The following SPAG16 variants were observed in gnomAD, a reference collection of about 807,000 sequenced individuals.
SPAG16 encodes sperm associated antigen 16.
SPAG16 carries 86 observed loss-of-function variants against 80.4 expected under a neutral mutation model. That is an observed-to-expected ratio of 1.07 (90% CI 0.90 to 1.28). The LOEUF (loss-of-function observed/expected upper bound fraction) is 1.28. Ranked by LOEUF, SPAG16 falls within the 50% of genes most tolerant of loss-of-function variation. The pLI, the probability that SPAG16 is intolerant of heterozygous loss-of-function variation, is 0.00. For synonymous variants in SPAG16, 294 were observed against 265.9 expected, an observed-to-expected ratio of 1.11 and a Z score of -1.03; for missense variants, 870 against 765.3, an observed-to-expected ratio of 1.14 and a Z score of -1.61.
At chr2:213,959,652 CCTCT>C (rs2044314845) in intron 12 of SPAG16, among the ~76,000 whole-genome samples, 1 of 152,192 alleles carries the variant, frequency 6.6e-6, no homozygotes, top group South Asian at 2.1e-4. Context: ...AGGTACTCTT[CCTCT>C]CTCCTGCTCC....
intron 14 of SPAG16, among the ~76,000 whole-genome samples, chr2:214,147,751 G>T (rs2055734043): frequency 6.6e-6 from 1 of 152,260 alleles, no homozygotes; most frequent in East Asian, 1.9e-4. Flanking sequence ...TCATTTATTA[G>T]ATTGGGGACA....
chr2:214,061,130 C>A (rs992945934), intron 13 of SPAG16, among the ~76,000 whole-genome samples: 11 of 152,164 alleles, frequency 7.2e-5, no homozygotes, highest in Non-Finnish European at 1.6e-4. Flanking sequence ...ACTCGAATAT[C>A]TTCAAACGGA....
intron 13 of SPAG16, among the ~76,000 whole-genome samples, chr2:214,098,054 C>T (rs1314011216): frequency 1.3e-5 from 2 of 152,048 alleles, no homozygotes; most frequent in South Asian, 2.1e-4. Context: ...TTAATCATTA[C>T]ATTATATGCT....
chr2:214,120,126 A>G (rs2054143202), intron 14 of SPAG16, among the ~76,000 whole-genome samples: 1 of 151,632 alleles, frequency 6.6e-6, no homozygotes, highest in Non-Finnish European at 1.5e-5. Context: ...GTGTTTTGTC[A>G]ATTCTCTCTA....
At chr2:213,930,313 A>C (rs896408243) in intron 12 of SPAG16, among the ~76,000 whole-genome samples, 168 bp downstream of exon 12, 6 of 152,192 alleles carry the variant, frequency 3.9e-5, no homozygotes, top group Admixed American at 3.3e-4. Context: ...TGTGAAATCC[A>C]TTTCTAACTC....
At chr2:214,312,964 C>T (rs1318357260) in intron 15 of SPAG16, among the ~76,000 whole-genome samples, 1 of 151,840 alleles carries the variant, frequency 6.6e-6, no homozygotes, top group Non-Finnish European at 1.5e-5. Context: ...AAAATGGCAA[C>T]AACTCCTTTT....
intron 10 of SPAG16, among the ~76,000 whole-genome samples, chr2:213,807,043 G>A (rs909537383): frequency 2.6e-5 from 4 of 152,054 alleles, no homozygotes; most frequent in African/African-American, 9.7e-5. Context: ...ACATCCCACT[G>A]ACTCTTTAAC....
intron 13 of SPAG16, among the ~76,000 whole-genome samples, chr2:214,041,731 A>G (rs1426019030): frequency 1.3e-5 from 2 of 151,456 alleles, no homozygotes; most frequent in East Asian, 1.9e-4. Context: ...GATTCCTTGC[A>G]TACTGTATGC....
In SPAG16 at chr2:213,455,870, A is replaced by T. The variant is rs765992866; in HGVS notation, c.943-34093A>T. 8.5e-4 allele frequency among the ~76,000 whole-genome samples: 129 copies of T among 152,312 alleles called. 3 individuals carry two copies. The highest frequency in any genetic ancestry group is 1.0e-3 in the South Asian group (5 of 4,816). On this transcript the variant is annotated intron_variant, in intron 9 of 15. Coordinates refer to ENST00000331683, the MANE Select transcript of SPAG16 (RefSeq NM_024532.5). ...CTCCAGGTGGACCATGACTCAAGAT[A>T]GTCACCAGAACAGGACACACAGACC...
intron 14 of SPAG16, among the ~76,000 whole-genome samples, chr2:214,142,327 G>C (rs1476744335): frequency 6.6e-6 from 1 of 151,852 alleles, no homozygotes; most frequent in Middle Eastern, 3.2e-3. Context: ...TCAAATCTTT[G>C]AGACTCACAC....
chr2:213,682,836 G>A (rs952683754), intron 10 of SPAG16, among the ~76,000 whole-genome samples: 5 of 152,088 alleles, frequency 3.3e-5, no homozygotes, highest in South Asian at 2.1e-4. Flanking sequence ...GGATTTACGC[G>A]GTTTTTAATC....
chr2:213,876,886 A>T (rs1322394839), intron 11 of SPAG16, among the ~76,000 whole-genome samples: 3 of 152,188 alleles, frequency 2.0e-5, no homozygotes, highest in Non-Finnish European at 4.4e-5. Flanking sequence ...AAGAGATTTT[A>T]CAAGTCCCAT....
intron 13 of SPAG16, among the ~76,000 whole-genome samples, chr2:214,019,405 T>G (rs920840708): frequency 2.0e-5 from 3 of 152,194 alleles, no homozygotes; most frequent in Non-Finnish European, 2.9e-5. Context: ...ACATTTTGTC[T>G]CTTGCCATGA....
intron 10 of SPAG16, among the ~76,000 whole-genome samples, chr2:213,780,088 A>AGTCAT (rs1285310390): frequency 6.6e-6 from 1 of 152,196 alleles, no homozygotes; most frequent in East Asian, 1.9e-4. Context: ...TATGGGGACT[A>AGTCAT]GTCATGTACT....
At chr2:213,592,057 C>T (rs549125433) in intron 10 of SPAG16, among the ~76,000 whole-genome samples, 25 of 152,252 alleles carry the variant, frequency 1.6e-4, no homozygotes, top group African/African-American at 6.0e-4. Context: ...CTCTGTATAT[C>T]TCAATTATGT....
At position 213,717,310 on chromosome 2, in the gene SPAG16, C is replaced by T. The variant is rs141777110; in HGVS notation, c.1071-145175C>T. Among the ~76,000 whole-genome samples the T allele has an allele frequency of 9.6e-4, 146 of 152,092 alleles. 2 individuals are homozygous for T. The highest frequency in any genetic ancestry group is 3.4e-3 in the African/African-American group (143 of 41,476). Reference sequence around the variant, plus strand: ...AGTAGCTAGGACTACAGGCGCCCGCCACCAAGCCTGGCTAATTTTTGTTGC... The same window carrying T: ...AGTAGCTAGGACTACAGGCGCCCGCTACCAAGCCTGGCTAATTTTTGTTGC... On this transcript the variant is annotated intron_variant, in intron 10 of 15. Coordinates refer to ENST00000331683, the MANE Select transcript of SPAG16 (RefSeq NM_024532.5).
intron 9 of SPAG16, among the ~76,000 whole-genome samples, chr2:213,474,632 G>C (rs2073272786): frequency 6.6e-6 from 1 of 152,110 alleles, no homozygotes; most frequent in African/African-American, 2.4e-5. Flanking sequence ...TAGAAGTAGA[G>C]TCCTTAGCAT....
chr2:213,726,148 T>G (rs541782816), intron 10 of SPAG16, among the ~76,000 whole-genome samples: 7 of 152,342 alleles, frequency 4.6e-5, no homozygotes, highest in Admixed American at 2.6e-4. Context: ...CCCACCTATG[T>G]GGCAGTCCAG....
chr2:213,852,611 C>T (rs1043063574), intron 10 of SPAG16, among the ~76,000 whole-genome samples: 4 of 152,152 alleles, frequency 2.6e-5, no homozygotes, highest in Non-Finnish European at 5.9e-5. Flanking sequence ...GCCCTTAGAC[C>T]ATCCTAAAGG....
Sources: gnomAD v4.1 joint callset for allele counts (sites outside exome capture counted in the v4.1 genomes callset) on GRCh38, gnomAD v4.1.1 for gene constraint, MANE v1.5 for transcripts, NCBI Gene and HGNC (gene_info 2026-07-23, HGNC 2026-07-21) for gene names.